SAMD12: variants seen among roughly 807,000 people sequenced by gnomAD.
SAMD12 encodes sterile alpha motif domain-containing protein 12.
Under a neutral mutation model 15.0 loss-of-function variants are expected in SAMD12, and 9 were observed. That is an observed-to-expected ratio of 0.60 (90% CI 0.36 to 1.05). SAMD12 has a LOEUF of 1.05. Ranked by LOEUF, SAMD12 falls within the 50% of genes least tolerant of loss-of-function variation. The pLI is 0.01. For synonymous variants in SAMD12, 86 were observed against 90.1 expected, an observed-to-expected ratio of 0.96 and a Z score of 0.25; for missense variants, 230 against 234.2, an observed-to-expected ratio of 0.98 and a Z score of 0.12.
chr8:118,179,799 A>G, the SAMD12 span, among the ~76,000 whole-genome samples: 2 of 152,124 alleles, frequency 1.3e-5, no homozygotes, highest in African/African-American at 4.8e-5. Context: ...GGATTTTTGG[A>G]TCAAAACTGT....
chr8:118,497,663 A>C (rs2515026), intron 2 of SAMD12, among the ~76,000 whole-genome samples: 53,431 of 145,096 alleles, frequency 0.37, 10,157 homozygotes, highest in East Asian at 0.61. Flanking sequence ...CAGCGACACA[A>C]AATTTACCAA....
At chr8:118,541,907 G>C (rs1194456024) in intron 2 of SAMD12, among the ~76,000 whole-genome samples, 2 of 152,102 alleles carry the variant, frequency 1.3e-5, no homozygotes. Flanking sequence ...GGCTGGTCTT[G>C]AAATTCTGGC....
chr8:118,499,744 C>T (rs1824726037), intron 2 of SAMD12, among the ~76,000 whole-genome samples: 1 of 152,166 alleles, frequency 6.6e-6, no homozygotes, highest in Non-Finnish European at 1.5e-5. Context: ...TGGCCATAGA[C>T]TCCAAGATTA....
At chr8:118,467,462 T>C (rs1393393596) in intron 2 of SAMD12, among the ~76,000 whole-genome samples, 1 of 152,202 alleles carries the variant, frequency 6.6e-6, no homozygotes, top group African/African-American at 2.4e-5. Flanking sequence ...TTTCAAAAGC[T>C]GTGCTACCTC....
At chr8:118,333,212 T>A (rs1816886376) in intron 4 of SAMD12, among the ~76,000 whole-genome samples, 1 of 152,214 alleles carries the variant, frequency 6.6e-6, no homozygotes, top group Non-Finnish European at 1.5e-5. Context: ...AGAGGCTTGT[T>A]CCTTGAACTT....
At chr8:118,241,640 G>A (rs551725375) in intron 4 of SAMD12, among the ~76,000 whole-genome samples, 27 of 152,220 alleles carry the variant, frequency 1.8e-4, no homozygotes, top group African/African-American at 6.0e-4. Flanking sequence ...GCGTGGCAAC[G>A]GATGAGCTCT....
At chr8:118,530,049 C>T (rs1825641886) in intron 2 of SAMD12, among the ~76,000 whole-genome samples, 1 of 152,172 alleles carries the variant, frequency 6.6e-6, no homozygotes, top group African/African-American at 2.4e-5. Flanking sequence ...CTGTTGTTGA[C>T]TTCTGAGTAA....
the SAMD12 span, among the ~76,000 whole-genome samples, chr8:118,156,568 A>T: frequency 6.6e-6 from 1 of 152,212 alleles, no homozygotes. Context: ...ACTGGCTGAA[A>T]TACTAGTATA....
intron 4 of SAMD12, among the ~76,000 whole-genome samples, chr8:118,326,857 C>T (rs1299295397): frequency 6.6e-6 from 1 of 152,180 alleles, no homozygotes; most frequent in Non-Finnish European, 1.5e-5. Context: ...ATGCCTTCTA[C>T]ATGATTCCAT....
At chr8:118,212,060 TTTTG>T (rs1563697307) in intron 4 of SAMD12, among the ~76,000 whole-genome samples, 2 of 83,548 alleles carry the variant, frequency 2.4e-5, no homozygotes, top group African/African-American at 7.2e-5. Context: ...GTGTTGCAGA[TTTTG>T]TGTGTGTGTG....
At chr8:118,162,199 T>C in the SAMD12 span, among the ~76,000 whole-genome samples, 13 of 147,192 alleles carry the variant, frequency 8.8e-5, no homozygotes. Flanking sequence ...AATAGTTGCT[T>C]GGGGATGGGA....
At chr8:118,217,948 G>T (rs1333064096) in intron 4 of SAMD12, among the ~76,000 whole-genome samples, 3 of 152,020 alleles carry the variant, frequency 2.0e-5, no homozygotes, top group Non-Finnish European at 4.4e-5. Context: ...GTTATTTGAG[G>T]TCCAAATTCT....
chr8:118,554,379 T>G (rs1485269755), intron 2 of SAMD12, among the ~76,000 whole-genome samples: 2 of 152,070 alleles, frequency 1.3e-5, no homozygotes, highest in African/African-American at 2.4e-5. Context: ...TCATGTCCTT[T>G]GTAGGGACAT....
At chr8:118,527,508 G>A (rs1184200268) in intron 2 of SAMD12, among the ~76,000 whole-genome samples, 2 of 152,142 alleles carry the variant, frequency 1.3e-5, no homozygotes, top group East Asian at 3.9e-4. Flanking sequence ...AATCAGCAGT[G>A]ATGATAAAAT....
At chr8:118,230,392 G>A (rs1014997668) in intron 4 of SAMD12, among the ~76,000 whole-genome samples, 1 of 152,134 alleles carries the variant, frequency 6.6e-6, no homozygotes, top group Non-Finnish European at 1.5e-5. Flanking sequence ...TACACATCAG[G>A]ATCATTTAGG....
intron 2 of SAMD12, among the ~76,000 whole-genome samples, chr8:118,543,631 C>CTTTTTTTTTTTTT (rs397978436): frequency 6.6e-4 from 77 of 116,592 alleles, no homozygotes; most frequent in African/African-American, 2.5e-3. Context: ...TTCTTTCTTT[C>CTTTTTTTTTTTTT]TTTTTTTTTT....
chr8:118,485,226 A>C (rs1317083456), intron 2 of SAMD12, among the ~76,000 whole-genome samples: 2 of 152,086 alleles, frequency 1.3e-5, no homozygotes, highest in African/African-American at 4.8e-5. Context: ...CACACTCCAC[A>C]CCCAGGACTT....
chr8:118,370,707 T>G (rs922736784), intron 4 of SAMD12, among the ~76,000 whole-genome samples: 2 of 152,170 alleles, frequency 1.3e-5, no homozygotes, highest in Non-Finnish European at 2.9e-5. Context: ...TACTTCATGT[T>G]CTAATTCATA....
chr8:118,582,174 A>AT (rs1431016914), intron 1 of SAMD12, among the ~76,000 whole-genome samples: 1 of 152,116 alleles, frequency 6.6e-6, no homozygotes, highest in African/African-American at 2.4e-5. Context: ...TCCTTAATAG[A>AT]TATCATCTAT....
Sources: gnomAD v4.1 joint callset for allele counts (sites outside exome capture counted in the v4.1 genomes callset) on GRCh38, gnomAD v4.1.1 for gene constraint, MANE v1.5 for transcripts, NCBI Gene and HGNC (gene_info 2026-07-23, HGNC 2026-07-21) for gene names.